Variants in BDKRB1 observed in about 807,000 individuals in gnomAD.
BDKRB1 encodes the protein B1 bradykinin receptor.
For missense variants in BDKRB1, 414 were observed against 441.4 expected, an observed-to-expected ratio of 0.94 and a Z score of 0.56; for synonymous variants, 192 against 189.1, an observed-to-expected ratio of 1.02 and a Z score of -0.13.
At chr14:96,259,615 A>G (rs184847652) in intron 1 of BDKRB1, 4 of 152,668 alleles carry the variant, frequency 2.6e-5, no homozygotes, top group Admixed American at 6.5e-5. Context: ...CAAAAATGCA[A>G]TGACTTTATT....
chr14:96,262,606 CTTTT>C (rs34474132), intron 1 of BDKRB1, 42 bp from the exon 2 acceptor site: 3,331 of 308,138 alleles, frequency 0.011, 7 homozygotes, highest in African/African-American at 0.018. Context: ...TCTCTCTCTC[CTTTT>C]TTTTTTTTTT....
In BDKRB1 at chr14:96,262,939, T is replaced by G. The variant is rs577449314; in HGVS notation, c.-11+169T>G. Among the ~76,000 whole-genome samples the G allele has an allele frequency of 5.3e-5, 8 of 152,160 alleles. No homozygotes were observed. The East Asian group carries it at 1.5e-3, about 29-fold the overall frequency. On this transcript the variant is annotated intron_variant, in intron 2 of 2. Transcript: ENST00000216629. The stretch of plus-strand genomic sequence containing the variant: ...CACCACACCCGGCCAATACTCATGT[T>G]TTTCAAGCCTGTAAGAGGAACCTCC...
chr14:96,261,560 T>C (rs561912198), intron 1 of BDKRB1, among the ~76,000 whole-genome samples: 44 of 152,334 alleles, frequency 2.9e-4, no homozygotes, highest in African/African-American at 1.0e-3. Flanking sequence ...CCAAATATGC[T>C]CTTCCAAGGT....
rs566696550 is a variant in BDKRB1 at position 96,264,553 on chromosome 14, G to A, written c.871G>A (p.Asp291Asn). Residue 291 changes from aspartate (D) to asparagine (N), a missense_variant, in exon 3 of 3, where the codon GAC (aspartate) becomes AAC (asparagine). Coordinates refer to ENST00000216629, the MANE Select transcript of BDKRB1 (RefSeq NM_000710.4). ...VRGCFWEDFI[D>N]LGLQLANFFA... is the part of the protein sequence containing the mutation. ...AGGCTGCTTTTGGGAGGACTTCATT[G>A]ACCTGGGCCTGCAATTGGCCAACTT... The A allele has an allele frequency of 8.1e-6, 13 of 1,614,134 alleles. 1 individual carries two copies. The South Asian group carries it at 1.3e-4, about 16-fold the overall frequency.
Position 96,263,678 on chromosome 14 carries a change from T to C in BDKRB1, c.-5T>C. The stretch of plus-strand genomic sequence containing the variant: ...CTACCTTCTGTTCATTTCAGGTCAC[T>C]GTGCATGGCATCATCCTGGCCCCCT... On this transcript the variant is annotated 5_prime_UTR_variant, in exon 3 of 3. Transcript: ENST00000216629. 2 of 1,607,958 alleles carry C rather than the reference T, an allele frequency of 1.2e-6. No individual in the cohort carries two copies. Among genetic ancestry groups the C allele is most frequent in the Non-Finnish European group, 1.7e-6 (2 of 1,177,690 alleles).
At position 96,264,094 on chromosome 14, in the gene BDKRB1, G is replaced by A. The variant is rs750457490; in HGVS notation, c.412G>A (p.Val138Met). ...GGCCATCAGCCAGGACCGCTACCGC[G>A]TGCTGGTGCACCCTATGGCCAGCCG... is the stretch of plus-strand genomic sequence containing the variant. ...VVAISQDRYR[V>M]LVHPMASRRQ... Residue 138 changes from valine (V) to methionine (M), a missense_variant, in exon 3 of 3, where the codon GTG (valine) becomes ATG (methionine). Transcript: ENST00000216629. 5.0e-6 allele frequency: 8 copies of A among 1,604,246 alleles called. No individual in the cohort carries two copies. Among genetic ancestry groups the A allele is most frequent in the South Asian group, 4.5e-5 (4 of 88,458 alleles).
Position 96,264,607 on chromosome 14 carries a change from C to G in BDKRB1, c.925C>G (p.Pro309Ala). Residue 309 changes from proline to alanine, a missense_variant, in exon 3 of 3, where the codon CCA becomes GCA. Physicochemically the swap from Pro to Ala is conservative, Grantham distance 27. Transcript: ENST00000216629. The stretch of plus-strand genomic sequence containing the variant: ...TGCCTTCACTAACAGCTCCCTGAAT[C>G]CAGTAATTTATGTCTTTGTGGGCCG... ...FFAFTNSSLN[P>A]VIYVFVGRLF... The G allele has an allele frequency of 1.2e-6, 2 of 1,614,202 alleles. No homozygotes were observed. The highest frequency in any genetic ancestry group is 4.5e-5 in the East Asian group (2 of 44,876).
At chr14:96,258,720 C>A (rs1199471705) in intron 1 of BDKRB1, among the ~76,000 whole-genome samples, 1 of 152,048 alleles carries the variant, frequency 6.6e-6, no homozygotes, top group Non-Finnish European at 1.5e-5. Context: ...AAAGTTTCAC[C>A]ATGTTGGCCA....
Position 96,262,615 on chromosome 14 carries a change from TTTTTTTTTTTTG to T in BDKRB1, c.-129-34_-129-23del, listed in dbSNP as rs1470729258. ...TCTCTCTCTCTCTCTCCTTTTTTTT[TTTTTTTTTTTTG>T]TTGTTGTTGTTGTTGTTGAGACAGG... On this transcript the variant is annotated intron_variant, in intron 1 of 2. Coordinates refer to ENST00000216629, the MANE Select transcript of BDKRB1 (RefSeq NM_000710.4). 9.4e-6 allele frequency: 3 copies of T among 320,438 alleles called. No homozygotes were observed. In the East Asian group the frequency reaches 3.0e-4, roughly 32 times the overall value. 19.8% of individuals were successfully genotyped at this position (320,438 alleles called of 1,614,324 possible).
At chr14:96,257,944 G>A (rs996355043) in intron 1 of BDKRB1, among the ~76,000 whole-genome samples, 1 of 147,918 alleles carries the variant, frequency 6.8e-6, no homozygotes, top group African/African-American at 2.5e-5. Flanking sequence ...AGGGAGGGAT[G>A]GAGGAAGGAA....
intron 1 of BDKRB1, among the ~76,000 whole-genome samples, chr14:96,259,155 T>G (rs1885684951): frequency 6.6e-6 from 1 of 152,254 alleles, no homozygotes; most frequent in Non-Finnish European, 1.5e-5. Flanking sequence ...GTTGACGTTT[T>G]GCTGCTCTAT....
At chr14:96,262,258 G>A (rs1046920159) in intron 1 of BDKRB1, among the ~76,000 whole-genome samples, 8 of 152,180 alleles carry the variant, frequency 5.3e-5, no homozygotes, top group Admixed American at 1.3e-4. Flanking sequence ...CATTCATCGC[G>A]TGGGGACAGG....
In BDKRB1 at chr14:96,263,993, CT is replaced by C; in HGVS notation, c.314del (p.Phe105SerfsTer64). On this transcript the variant is annotated frameshift_variant, in exon 3 of 3. Coordinates refer to ENST00000216629, the MANE Select transcript of BDKRB1 (RefSeq NM_000710.4). LOFTEE classifies it low-confidence loss of function (END_TRUNC). ...AENIWNQFNW[P>X]FGALLCRVIN... ...AATATCTGGAACCAGTTTAACTGGC[CT>C]TTCGGAGCCCTCCTCTGCCGTGTCA... 1 of 1,614,242 alleles carries C rather than the reference CT, an allele frequency of 6.2e-7. No individual in the cohort carries two copies. The highest frequency in any genetic ancestry group is 1.1e-5 in the South Asian group (1 of 91,084).
chr14:96,263,737 T>C lies in BDKRB1; in HGVS notation c.55T>C (p.Phe19Leu), dbSNP rs149672766. The change falls in exon 3 of 3, where the codon TTC (phenylalanine) becomes CTC (leucine). Residue 19 changes from phenylalanine (F) to leucine (L), a missense_variant. By Grantham distance (22) the Phe-to-Leu change is conservative. Coordinates refer to ENST00000216629, the MANE Select transcript of BDKRB1 (RefSeq NM_000710.4). Reference sequence around the variant, plus strand: ...CCAATCCTCCAACCAGAGCCAGCTCTTCCCTCAAAATGCTACGGCCTGTGA... The same window carrying C: ...CCAATCCTCCAACCAGAGCCAGCTCCTCCCTCAAAATGCTACGGCCTGTGA... ...ELQSSNQSQL[F>L]PQNATACDNA... 6.2e-5 allele frequency: 100 copies of C among 1,614,028 alleles called. 1 individual carries two copies. In the African/African-American group the frequency reaches 1.0e-3, roughly 17 times the overall value.
chr14:96,260,454 CTCA>C (rs777773770), intron 1 of BDKRB1, among the ~76,000 whole-genome samples: 3 of 152,346 alleles, frequency 2.0e-5, no homozygotes, highest in Non-Finnish European at 4.4e-5. Flanking sequence ...AAGCTATCTG[CTCA>C]TCAACAACTT....
In BDKRB1 at chr14:96,264,643, A is replaced by G. The variant is rs755140763; in HGVS notation, c.961A>G (p.Thr321Ala). 28 of 1,613,996 alleles carry G rather than the reference A, an allele frequency of 1.7e-5. No individual in the cohort carries two copies. The highest frequency in any genetic ancestry group is 2.1e-5 in the Non-Finnish European group (25 of 1,180,038). The stretch of plus-strand genomic sequence containing the variant: ...TGTCTTTGTGGGCCGGCTCTTCAGG[A>G]CCAAGGTCTGGGAACTTTATAAACA... ...IYVFVGRLFR[T>A]KVWELYKQCT... The change falls in exon 3 of 3, where the codon ACC (threonine) becomes GCC (alanine). Residue 321 changes from threonine to alanine, a missense_variant. By Grantham distance (58) the Thr-to-Ala change is moderately conservative (BLOSUM62 0). Transcript: ENST00000216629.
chr14:96,264,574 A>G lies in BDKRB1; in HGVS notation c.892A>G (p.Asn298Asp), dbSNP rs1004605032. 2.8e-5 allele frequency: 45 copies of G among 1,614,070 alleles called. No homozygotes were observed. The highest frequency in any genetic ancestry group is 4.0e-5 in the African/African-American group (3 of 74,940). ...DFIDLGLQLA[N>D]FFAFTNSSLN... Reference sequence around the variant, plus strand: ...CATTGACCTGGGCCTGCAATTGGCCAACTTCTTTGCCTTCACTAACAGCTC... The same window carrying G: ...CATTGACCTGGGCCTGCAATTGGCCGACTTCTTTGCCTTCACTAACAGCTC... Residue 298 changes from asparagine (N) to aspartate (D), a missense_variant, in exon 3 of 3, where the codon AAC becomes GAC. Physicochemically the swap from Asn to Asp is conservative, Grantham distance 23. Coordinates refer to ENST00000216629, the MANE Select transcript of BDKRB1 (RefSeq NM_000710.4).
chr14:96,260,206 T>A (rs1476384648), intron 1 of BDKRB1, among the ~76,000 whole-genome samples: 1 of 152,136 alleles, frequency 6.6e-6, no homozygotes, highest in Non-Finnish European at 1.5e-5. Context: ...GTATTTTTAG[T>A]ACATACAGGG....
intron 1 of BDKRB1, 125 bp from the exon 2 acceptor site, chr14:96,262,527 A>G (rs980658737): frequency 7.7e-6 from 3 of 389,944 alleles, no homozygotes; most frequent in African/African-American, 2.1e-5. Context: ...CATTAATACC[A>G]TCTAACAGAT....
Sources: allele counts gnomAD v4.1 joint callset (sites outside exome capture counted in the v4.1 genomes callset), GRCh38; gene constraint gnomAD v4.1.1; transcripts MANE v1.5; gene names NCBI Gene and HGNC (gene_info 2026-07-23, HGNC 2026-07-21).